FLNB: variants seen among roughly 807,000 people sequenced by gnomAD.
FLNB encodes filamin-B.
Under a neutral mutation model 250.6 loss-of-function variants are expected in FLNB, and 111 were observed. The ratio of observed to expected loss-of-function variants is 0.44; its 90% CI spans 0.38 to 0.52. The LOEUF is 0.52. Among genes scored for constraint, FLNB ranks in the 20% least tolerant of loss-of-function variants. FLNB has a pLI of 0.00. For synonymous variants in FLNB, 1,302 were observed against 1,372.1 expected (o/e 0.95, Z 1.13); for missense variants, 2,869 against 3,447.8 (o/e 0.83, Z 4.20).
intron 28 of FLNB, among the ~76,000 whole-genome samples, chr3:58,136,938 C>T: frequency 6.6e-6 from 1 of 151,774 alleles, no homozygotes; most frequent in East Asian, 1.9e-4. Flanking sequence ...CCAGGCTGGT[C>T]TCGAACTCCT....
chr3:58,095,956 C>CT (rs2107047864), intron 5 of FLNB, among the ~76,000 whole-genome samples, 185 bp from the exon 6 acceptor site: 1 of 152,316 alleles, frequency 6.6e-6, no homozygotes, highest in African/African-American at 2.4e-5. Flanking sequence ...TGCCTCTGTG[C>CT]TGCATGGTTT....
rs780633086 is a variant in FLNB at position 58,123,152 on chromosome 3, C to T, written c.3186C>T (p.Thr1062=). The stretch of plus-strand genomic sequence containing the variant: ...TCGTGGGCAAGCCTGCCGAGTTCAC[C>T]ATCGATACCAAAGGAGCTGGTACTG... The part of the protein sequence containing the change: ...GGLVGKPAEF[T]IDTKGAGTGG... Residue 1062 remains threonine (T), a synonymous_variant, in exon 21 of 46, where the codon ACC becomes ACT. Transcript: ENST00000295956. The T allele has an allele frequency of 6.2e-7, 1 of 1,614,180 alleles. No homozygotes were observed. The highest frequency in any genetic ancestry group is 1.1e-5 in the South Asian group (1 of 91,088).
intron 18 of FLNB, among the ~76,000 whole-genome samples, chr3:58,115,289 A>G (rs2097275988): frequency 6.6e-6 from 1 of 152,220 alleles, no homozygotes; most frequent in Non-Finnish European, 1.5e-5. Context: ...CTTTAGGAGA[A>G]AGCACCAGAA....
intron 1 of FLNB, among the ~76,000 whole-genome samples, chr3:58,035,997 G>A (rs530431464): frequency 6.6e-6 from 1 of 152,236 alleles, no homozygotes. Flanking sequence ...AATTGTTTTG[G>A]ACCCATACAT....
At chr3:58,159,493 G>A (rs566817061) in intron 41 of FLNB, 61 bp from the exon 42 acceptor site, 3 of 1,577,812 alleles carry the variant, frequency 1.9e-6, no homozygotes, top group Non-Finnish European at 2.6e-6. Flanking sequence ...GGTAGGGTCA[G>A]TGTGTGCCAC....
Position 58,126,743 on chromosome 3 carries a change from T to C in FLNB, c.4203T>C (p.Tyr1401=), listed in dbSNP as rs778988765. The C allele has an allele frequency of 1.9e-6, 3 of 1,613,748 alleles. No individual in the cohort carries two copies. Among genetic ancestry groups the C allele is most frequent in the African/African-American group, 1.3e-5 (1 of 74,888 alleles). Residue 1401 remains tyrosine, a synonymous_variant, in exon 24 of 46, where the codon TAT becomes TAC. Transcript: ENST00000295956. ...APGDYDVNIT[Y]GGAHIPGSPF... ...GGGATTACGATGTTAATATCACATA[T>C]GGAGGAGCCCACATCCCCGGTGAGC...
At chr3:58,150,714 G>A (rs993762334) in intron 38 of FLNB, 5 of 202,174 alleles carry the variant, frequency 2.5e-5, no homozygotes, top group African/African-American at 9.3e-5. Flanking sequence ...CTTGGGCCCC[G>A]ATTAGCCAGT....
intron 42 of FLNB, among the ~76,000 whole-genome samples, chr3:58,160,335 G>A (rs1366808424): frequency 1.3e-5 from 2 of 152,162 alleles, no homozygotes; most frequent in African/African-American, 2.4e-5. Context: ...CTTGGTATAT[G>A]GAATTCTCTG....
Position 58,059,237 on chromosome 3 carries a change from ATG to A in FLNB, c.293-17805_293-17804del, listed in dbSNP as rs1209031601. Reference sequence around the variant, plus strand: ...ATGTTACACATTTAAAAATTCTAACATGTGTTTTTCATGTGTTTATAAAATGC... The same window carrying A: ...ATGTTACACATTTAAAAATTCTAACATGTTTTTCATGTGTTTATAAAATGC... On this transcript the variant is annotated intron_variant, in intron 1 of 45. Coordinates refer to ENST00000295956, the MANE Select transcript of FLNB (RefSeq NM_001457.4). Among the ~76,000 whole-genome samples, 3 of 152,116 alleles carry A rather than the reference ATG, an allele frequency of 2.0e-5. No homozygotes were observed. The East Asian group carries it at 5.8e-4, about 29-fold the overall frequency.
chr3:58,076,293 A>G (rs2097201549), intron 1 of FLNB, among the ~76,000 whole-genome samples: 1 of 152,200 alleles, frequency 6.6e-6, no homozygotes, highest in Non-Finnish European at 1.5e-5. Context: ...ATTCCTACCT[A>G]TCGAAAAACG....
At chr3:58,108,378 C>G in intron 12 of FLNB, 80 bp from the exon 13 acceptor site, 1 of 895,802 alleles carries the variant, frequency 1.1e-6, no homozygotes, top group Non-Finnish European at 1.8e-6. Context: ...TCTTCCCCCA[C>G]CCCCTGGTTA....
chr3:58,156,834 C>T (rs1434963500), intron 41 of FLNB, among the ~76,000 whole-genome samples: 1 of 152,170 alleles, frequency 6.6e-6, no homozygotes, highest in African/African-American at 2.4e-5. Context: ...GTAGCTGAGA[C>T]TCCAGGCACG....
rs375752014 is a variant in FLNB, at chr3:58,149,922, G to A, written c.6164G>A (p.Gly2055Asp). The A allele has an allele frequency of 9.2e-5, 148 of 1,614,134 alleles. No homozygotes were observed. The highest frequency in any genetic ancestry group is 1.6e-4 in the Middle Eastern group (1 of 6,084). ...ATCCAGACGGAGGACCTGGAAGATG[G>A]CACCTGCAAAGTCTCCTACTTCCCT... is the stretch of plus-strand genomic sequence containing the variant. The part of the protein sequence containing the change: ...VDIQTEDLED[G>D]TCKVSYFPTV... The change falls in exon 37 of 46, where the codon GGC becomes GAC. Residue 2055 changes from glycine (G) to aspartate (D), a missense_variant. This residue lies in a region of FLNB where 1,084 missense variants were observed against 1,315.5 expected (regional missense o/e 0.82). Coordinates refer to ENST00000295956, the MANE Select transcript of FLNB (RefSeq NM_001457.4).
At chr3:58,154,063 G>T (rs1575466754) in intron 39 of FLNB, among the ~76,000 whole-genome samples, 2 of 152,268 alleles carry the variant, frequency 1.3e-5, no homozygotes, top group South Asian at 2.1e-4. Flanking sequence ...TCTTTCTCTG[G>T]CTTGGTTAAG....
At chr3:58,102,419 G>A (rs1217302098) in intron 9 of FLNB, 79 bp downstream of exon 9, 8 of 1,478,326 alleles carry the variant, frequency 5.4e-6, no homozygotes, top group Admixed American at 3.3e-5. Context: ...TTCATCCCAC[G>A]GCCAGTTGTC....
At chr3:58,031,543 CTTTTTTTTTTT>C (rs764190111) in intron 1 of FLNB, among the ~76,000 whole-genome samples, 3 of 77,144 alleles carry the variant, frequency 3.9e-5, no homozygotes, top group African/African-American at 1.2e-4. Flanking sequence ...CGTGCCCTGC[CTTTTTTTTTTT>C]TTTTTTTTTT....
rs111827177 is a variant in FLNB, at chr3:58,132,081, C to G, written c.4391-727C>G. 4.9e-5 allele frequency: 55 copies of G among 1,128,394 alleles called. 2 individuals carry two copies. The highest frequency in any genetic ancestry group is 4.7e-4 in the African/African-American group (31 of 65,362). The allele number at this position is 1,128,394 out of a possible 1,614,324, so 69.9% of individuals were successfully genotyped here. A position where few individuals can be genotyped will look rare whatever the true frequency, so the allele number is the denominator to read the frequency against. On this transcript the variant is annotated intron_variant, in intron 25 of 45. Transcript: ENST00000295956. The stretch of plus-strand genomic sequence containing the variant: ...CAAATGCTTCTTGCTGGCCTCACTT[C>G]TAAAATTGCTTACACCTGCCTCATC...
intron 38 of FLNB, chr3:58,152,984 G>A: frequency 3.0e-6 from 1 of 331,112 alleles, no homozygotes. Flanking sequence ...TTTCCCCTCT[G>A]CCATTGGGAC....
intron 1 of FLNB, among the ~76,000 whole-genome samples, chr3:58,024,133 C>T (rs575587645): frequency 4.6e-5 from 7 of 152,172 alleles, no homozygotes; most frequent in African/African-American, 1.7e-4. Context: ...ATGAAGCCAT[C>T]CTGTCTCAGC....
Sources: allele counts gnomAD v4.1 joint callset (sites outside exome capture counted in the v4.1 genomes callset), GRCh38; gene constraint gnomAD v4.1.1; regional missense constraint gnomAD v4.1.1; transcripts MANE v1.5; gene names NCBI Gene and HGNC (gene_info 2026-07-23, HGNC 2026-07-21).